COL5A1: variants seen among roughly 807,000 people sequenced by gnomAD.
COL5A1 encodes the protein collagen alpha-1(V) chain.
In COL5A1, 16 loss-of-function variants were observed where a neutral mutation model predicts 263.7. The ratio of observed to expected loss-of-function variants is 0.06; its 90% CI spans 0.04 to 0.09. COL5A1 has a LOEUF of 0.09. Ranked by LOEUF, COL5A1 falls within the 10% of genes least tolerant of loss-of-function variation. COL5A1 has a pLI of 1.00. For missense variants in COL5A1, 2,036 were observed against 2,540.5 expected (o/e 0.80, Z 4.27); for synonymous variants, 1,012 against 1,004.5 (o/e 1.01, Z -0.14).
At chr9:134,710,263 C>A (rs555976966) in intron 4 of COL5A1, among the ~76,000 whole-genome samples, 5 of 152,320 alleles carry the variant, frequency 3.3e-5, no homozygotes, top group African/African-American at 9.6e-5. Flanking sequence ...CTCTCCTGCC[C>A]GCGCGAGACG....
intron 1 of COL5A1, among the ~76,000 whole-genome samples, chr9:134,685,011 GATCCATCC>G (rs1304374971): frequency 2.7e-5 from 1 of 36,446 alleles, no homozygotes; most frequent in African/African-American, 1.2e-4. Flanking sequence ...TCCATTAATT[GATCCATCC>G]ATCCATCCAT....
chr9:134,835,817 C>G (rs1176233060), intron 65 of COL5A1, among the ~76,000 whole-genome samples: 1 of 152,232 alleles, frequency 6.6e-6, no homozygotes, highest in African/African-American at 2.4e-5. Flanking sequence ...TTTCCCCTCC[C>G]TACTCAGTGA....
chr9:134,819,132 C>A, intron 57 of COL5A1, 79 bp downstream of exon 57: 2 of 1,440,530 alleles, frequency 1.4e-6, no homozygotes, highest in Non-Finnish European at 2.0e-6. Flanking sequence ...ACTCAACAAG[C>A]TCTTGATCCG....
At chr9:134,762,909 G>A (rs550940795) in intron 19 of COL5A1, among the ~76,000 whole-genome samples, 38 of 152,286 alleles carry the variant, frequency 2.5e-4, no homozygotes, top group African/African-American at 8.9e-4. Flanking sequence ...ATGTGTGGCT[G>A]TGTGCATGTG....
In COL5A1 at chr9:134,755,157, G is replaced by A. The variant is rs866582825; in HGVS notation, c.1827+831G>A. On this transcript the variant is annotated intron_variant, in intron 16 of 65. Coordinates refer to ENST00000371817, the MANE Select transcript of COL5A1 (RefSeq NM_000093.5). This position sits in a 1 kb window ranked among gnomAD's most constrained non-coding sequence, Gnocchi z 4.1. The stretch of plus-strand genomic sequence containing the variant: ...TCCGAGGGTCTATGCAGGGATCTGG[G>A]CATGAAACAGAGGCCTGGGCTGGAT... Among the ~76,000 whole-genome samples, 7 of 152,192 alleles carry A rather than the reference G, an allele frequency of 4.6e-5. No individual in the cohort carries two copies. Among genetic ancestry groups the A allele is most frequent in the Admixed American group, 2.0e-4 (3 of 15,278 alleles).
intron 4 of COL5A1, among the ~76,000 whole-genome samples, chr9:134,702,227 CAGA>C (rs1406645740): frequency 1.3e-5 from 2 of 152,254 alleles, no homozygotes; most frequent in East Asian, 3.9e-4. Flanking sequence ...TTGGGTTTTG[CAGA>C]AGATTTGGTT....
At chr9:134,650,842 C>T (rs567481153) in intron 1 of COL5A1, among the ~76,000 whole-genome samples, 46 of 152,380 alleles carry the variant, frequency 3.0e-4, no homozygotes, top group South Asian at 6.2e-4. Flanking sequence ...TCCTCAAACC[C>T]GCCCTTCGTG....
chr9:134,643,223 C>T (rs1306351890), intron 1 of COL5A1, among the ~76,000 whole-genome samples: 3 of 151,876 alleles, frequency 2.0e-5, no homozygotes, highest in Non-Finnish European at 4.4e-5. Context: ...TAGTTAGTGG[C>T]GGGGTGGGTT....
At chr9:134,683,544 T>A (rs1197661592) in intron 1 of COL5A1, among the ~76,000 whole-genome samples, 2 of 152,254 alleles carry the variant, frequency 1.3e-5, no homozygotes, top group African/African-American at 2.4e-5. Flanking sequence ...CTACTCAAAC[T>A]GTGTGGCCAG....
In COL5A1 at chr9:134,699,685, T is replaced by C. The variant is rs79433864; in HGVS notation, c.278-224T>C. ...ACCAGTTGTGTTTCATGGAGGAGTT[T>C]GCATTTGCACTGAGTCTTGAAGGGG... On this transcript the variant is annotated intron_variant, in intron 2 of 65. Transcript: ENST00000371817. 0.037 allele frequency among the ~76,000 whole-genome samples: 5,696 copies of C among 152,266 alleles called. 146 individuals are homozygous for C. Among genetic ancestry groups the C allele is most frequent in the African/African-American group, 0.068 (2,840 of 41,552 alleles).
At chr9:134,659,930 G>C (rs1402878359) in intron 1 of COL5A1, among the ~76,000 whole-genome samples, 1 of 152,208 alleles carries the variant, frequency 6.6e-6, no homozygotes, top group African/African-American at 2.4e-5. Context: ...GGTAGGTGCT[G>C]CCTGTTTAGT....
intron 2 of COL5A1, among the ~76,000 whole-genome samples, chr9:134,697,513 G>A (rs1367779211): frequency 6.6e-6 from 1 of 152,152 alleles, no homozygotes; most frequent in African/African-American, 2.4e-5. Flanking sequence ...GCGGTGGGGT[G>A]GGGACGGGAG....
Position 134,691,041 on chromosome 9 carries a change from A to T in COL5A1, c.239A>T (p.Asp80Val). 6.2e-7 allele frequency: 1 copy of T among 1,613,574 alleles called. No homozygotes were observed. The highest frequency in any genetic ancestry group is 8.5e-7 in the Non-Finnish European group (1 of 1,180,036). Residue 80 changes from aspartate to valine, a missense_variant, in exon 2 of 66, where the codon GAC (aspartate) becomes GTC (valine). Asp to Val is a radical substitution (Grantham distance 152). Around this residue, in one of 3 missense-constraint regions of COL5A1, gnomAD observed 600 missense variants for 634.5 expected, o/e 0.95. Transcript: ENST00000371817. ...GATGTCGCTTACAGAGTCACCAAAG[A>T]CGCGCAGCTCAGCGCACCCACCAAG... ...GPDVAYRVTK[D>V]AQLSAPTKQL...
At chr9:134,830,534 G>T (rs968706371) in intron 64 of COL5A1, among the ~76,000 whole-genome samples, 12 of 152,188 alleles carry the variant, frequency 7.9e-5, no homozygotes, top group Non-Finnish European at 1.6e-4. Flanking sequence ...CACTGTGTCT[G>T]ATGGCAGGGC....
At chr9:134,759,088 AC>A (rs929990598) in intron 18 of COL5A1, among the ~76,000 whole-genome samples, 2 of 151,980 alleles carry the variant, frequency 1.3e-5, no homozygotes, top group African/African-American at 4.8e-5. Context: ...AGGGCTCTTC[AC>A]AGCTTGTGGG....
At chr9:134,749,947 G>A (rs1025735636) in intron 11 of COL5A1, among the ~76,000 whole-genome samples, 6 of 152,246 alleles carry the variant, frequency 3.9e-5, no homozygotes, top group Non-Finnish European at 5.9e-5. Context: ...TTGGCTGGGC[G>A]TGAGGAGGGC....
chr9:134,708,614 C>G (rs780520106), intron 4 of COL5A1: 7 of 518,920 alleles, frequency 1.3e-5, no homozygotes, highest in South Asian at 9.8e-5. Flanking sequence ...GAGGCAGCCC[C>G]TGGCAGCGGA....
At chr9:134,804,858 A>C (rs920468336) in intron 39 of COL5A1, 117 bp from the exon 40 acceptor site, 1 of 852,094 alleles carries the variant, frequency 1.2e-6, no homozygotes, top group African/African-American at 1.7e-5. Context: ...GGGACTGGTG[A>C]GAGGTCTGCG....
intron 27 of COL5A1, among the ~76,000 whole-genome samples, chr9:134,777,563 G>A (rs1837098614): frequency 6.6e-6 from 1 of 152,192 alleles, no homozygotes; most frequent in African/African-American, 2.4e-5. Context: ...GTAGGACCGG[G>A]AGGGGTCTCA....
Sources: allele counts gnomAD v4.1 joint callset (sites outside exome capture counted in the v4.1 genomes callset), GRCh38; gene constraint gnomAD v4.1.1; regional missense constraint gnomAD v4.1.1; non-coding constraint Gnocchi (gnomAD v3.1); transcripts MANE v1.5; gene names NCBI Gene and HGNC (gene_info 2026-07-23, HGNC 2026-07-21).